Variants in LAS1L observed in about 807,000 individuals in gnomAD.
LAS1L encodes the protein LAS1 like ribosome biogenesis factor.
A neutral mutation model predicts 57.3 loss-of-function variants in LAS1L; 5 were observed. That is an observed-to-expected ratio of 0.09 (90% CI 0.05 to 0.18). The LOEUF is 0.18. Ranked by LOEUF, LAS1L falls within the 10% of genes least tolerant of loss-of-function variation. LAS1L has a pLI of 1.00. For missense variants in LAS1L, 360 were observed against 568.3 expected (o/e 0.63, Z 3.73); for synonymous variants, 245 against 231.7 (o/e 1.06, Z -0.52).
Position 65,532,665 on chromosome X carries a change from A to C in LAS1L, c.363-35T>G, listed in dbSNP as rs759540721. ...AGGGAGAAATAAGTGGCACAGCCCA[A>C]GGAACCATTTTATTCCAAACACTTT... On this transcript the variant is annotated intron_variant, in intron 2 of 13. Coordinates refer to ENST00000374811, the MANE Select transcript of LAS1L (RefSeq NM_031206.7). 6 of 1,010,491 alleles carry C rather than the reference A, an allele frequency of 5.9e-6. No individual in the cohort carries two copies. In the Admixed American group the frequency reaches 1.3e-4, roughly 22 times the overall value. The allele number at this position is 1,010,491 out of a possible 1,213,427, so 83.3% of individuals were successfully genotyped here. A position where few individuals can be genotyped will look rare whatever the true frequency, so the allele number is the denominator to read the frequency against.
At chrX:65,514,661 G>C in intron 13 of LAS1L, among the ~76,000 whole-genome samples, 162 bp downstream of exon 13, 1 of 110,324 alleles carries the variant, frequency 9.1e-6, no homozygotes, top group East Asian at 2.9e-4. Context: ...CTAGGGACAG[G>C]GAGAGCTGGC....
chrX:65,525,057 C>T lies in LAS1L; in HGVS notation c.957-7G>A. On this transcript the variant is annotated splice_region_variant and splice_polypyrimidine_tract_variant and intron_variant, in intron 7 of 13. Coordinates refer to ENST00000374811, the MANE Select transcript of LAS1L (RefSeq NM_031206.7). The stretch of plus-strand genomic sequence containing the variant: ...AGCATCCAGCACAGCCTCCCTGGAA[C>T]AAGAGGACACTAGTTTAGCAAAGTG... 8.4e-7 allele frequency: 1 copy of T among 1,192,085 alleles called. No homozygotes were observed. Among genetic ancestry groups the T allele is most frequent in the Non-Finnish European group, 1.1e-6 (1 of 879,500 alleles).
intron 7 of LAS1L, among the ~76,000 whole-genome samples, chrX:65,527,248 A>G (rs1244969762): frequency 1.0e-5 from 1 of 99,420 alleles, no homozygotes; most frequent in Non-Finnish European, 2.0e-5. Flanking sequence ...AAAAAAAAAA[A>G]GACCAGGCCG....
chrX:65,518,918 T>A, intron 11 of LAS1L: 1 of 753,394 alleles, frequency 1.3e-6, no homozygotes, highest in Middle Eastern at 7.6e-4. Context: ...TCCAAGGATA[T>A]GCCTGGAAGT....
chrX:65,524,251 A>G lies in LAS1L; in HGVS notation c.1105T>C (p.Leu369=). The change falls in exon 10 of 14, where the codon TTG becomes CTG. Residue 369 remains leucine, a synonymous_variant. Coordinates refer to ENST00000374811, the MANE Select transcript of LAS1L (RefSeq NM_031206.7). ...TDPKSHKNVD[L]NDVLVPKPFS... ...GGCTTTGGCACCAGGACGTCATTCA[A>G]GTCCACGTTTTCTGGTTTGTAAGGG... 8.3e-7 allele frequency: 1 copy of G among 1,208,254 alleles called. No individual in the cohort carries two copies. The highest frequency in any genetic ancestry group is 1.1e-6 in the Non-Finnish European group (1 of 893,273).
intron 11 of LAS1L, chrX:65,523,218 C>T: frequency 5.9e-6 from 1 of 170,717 alleles, no homozygotes; most frequent in East Asian, 1.2e-4. Context: ...ATAGAGGAAA[C>T]AGCACTGGGC....
chrX:65,513,588 A>G (rs930922498), intron 13 of LAS1L, among the ~76,000 whole-genome samples: 6 of 112,160 alleles, frequency 5.3e-5, no homozygotes, highest in Admixed American at 4.7e-4. Context: ...AATCTTACAG[A>G]CAAGTTAACT....
chrX:65,521,566 TGA>T (rs1430311685), intron 11 of LAS1L: 4 of 111,637 alleles, frequency 3.6e-5, no homozygotes, highest in Non-Finnish European at 5.6e-5. Flanking sequence ...ACTTTAGAGT[TGA>T]GATGGGGACT....
chrX:65,519,945 G>A (rs1003902703), intron 11 of LAS1L, among the ~76,000 whole-genome samples: 1 of 111,776 alleles, frequency 8.9e-6, no homozygotes, highest in African/African-American at 3.3e-5. Context: ...TGCTTGAAAA[G>A]CTTCCAGCTC....
intron 12 of LAS1L, among the ~76,000 whole-genome samples, chrX:65,515,447 G>A (rs776671652): frequency 9.2e-6 from 1 of 108,543 alleles, no homozygotes; most frequent in Non-Finnish European, 1.9e-5. Flanking sequence ...CAGAGTAGCT[G>A]AATGACCTAG....
Position 65,534,750 on chromosome X carries a change from T to G in LAS1L, c.-35A>C, listed in dbSNP as rs761244443. ...AACAACAGGCTCTGTGCCGCGCCGC[T>G]CCGCACAGCCTTCAGCTCAGCGTGC... On this transcript the variant is annotated 5_prime_UTR_variant, in exon 1 of 14. Transcript: ENST00000374811. 9.3e-7 allele frequency: 1 copy of G among 1,073,462 alleles called. No homozygotes were observed. Among genetic ancestry groups the G allele is most frequent in the South Asian group, 2.0e-5 (1 of 48,876 alleles). The allele number at this position is 1,073,462 out of a possible 1,213,427, so 88.5% of individuals were successfully genotyped here.
chrX:65,516,816 CAG>C (rs947500736), intron 12 of LAS1L, among the ~76,000 whole-genome samples: 27 of 111,115 alleles, frequency 2.4e-4, no homozygotes, highest in Non-Finnish European at 1.3e-4. Flanking sequence ...CACACACACA[CAG>C]AGAGACAGAC....
Position 65,512,730 on chromosome X carries a change from G to C in LAS1L, c.*45C>G. 3 of 1,144,903 alleles carry C rather than the reference G, an allele frequency of 2.6e-6. No homozygotes were observed. The highest frequency in any genetic ancestry group is 3.5e-6 in the Non-Finnish European group (3 of 858,426). 94.4% of individuals were successfully genotyped at this position (1,144,903 alleles called of 1,213,427 possible). A position where few individuals can be genotyped will look rare whatever the true frequency, so the allele number is the denominator to read the frequency against. Reference sequence around the variant, plus strand: ...CATCAGTTGTACTAGGGGGTGGGCTGTTGCCCTGGCACGGCTGGATGAACA... The same window carrying C: ...CATCAGTTGTACTAGGGGGTGGGCTCTTGCCCTGGCACGGCTGGATGAACA... On this transcript the variant is annotated 3_prime_UTR_variant, in exon 14 of 14. Transcript: ENST00000374811.
At chrX:65,516,790 C>T (rs1454886456) in intron 12 of LAS1L, among the ~76,000 whole-genome samples, 1 of 110,921 alleles carries the variant, frequency 9.0e-6, no homozygotes, top group Non-Finnish European at 1.9e-5. Context: ...CCAGCAGGTA[C>T]AGGAACATGC....
At chrX:65,524,466 G>C (rs1020633079) in intron 9 of LAS1L, 98 bp downstream of exon 9, 1 of 500,247 alleles carries the variant, frequency 2.0e-6, no homozygotes, top group Non-Finnish European at 3.7e-6. Context: ...AGTGGGGAGA[G>C]AGAAACCAGT....
intron 10 of LAS1L, 124 bp from the exon 11 acceptor site, chrX:65,523,831 G>T: frequency 1.2e-6 from 1 of 841,664 alleles, no homozygotes; most frequent in Non-Finnish European, 1.6e-6. Flanking sequence ...CCTCCCAACT[G>T]CTCAAAGAAT....
In LAS1L at chrX:65,534,758, G is replaced by A. The variant is rs1362680316; in HGVS notation, c.-43C>T. ...GCTCTGTGCCGCGCCGCTCCGCACAGCCTTCAGCTCAGCGTGCTACCCTCA... is the reference window on the plus strand; with the variant it reads ...GCTCTGTGCCGCGCCGCTCCGCACAACCTTCAGCTCAGCGTGCTACCCTCA... On this transcript the variant is annotated 5_prime_UTR_variant, in exon 1 of 14. Coordinates refer to ENST00000374811, the MANE Select transcript of LAS1L (RefSeq NM_031206.7). 9.5e-7 allele frequency: 1 copy of A among 1,054,081 alleles called. No homozygotes were observed. Among genetic ancestry groups the A allele is most frequent in the Non-Finnish European group, 1.3e-6 (1 of 774,788 alleles). 86.9% of individuals were successfully genotyped at this position (1,054,081 alleles called of 1,213,427 possible).
chrX:65,512,856 G>A lies in LAS1L; in HGVS notation c.2124C>T (p.Asn708=). 1 of 1,167,456 alleles carries A rather than the reference G, an allele frequency of 8.6e-7. No homozygotes were observed. Among genetic ancestry groups the A allele is most frequent in the Middle Eastern group, 2.3e-4 (1 of 4,286 alleles). ...GGCCCTCGAAGTTGCTGCTGCTGCT[G>A]TTGCTGCAGTTGCCACTGCCGACAC... The part of the protein sequence containing the change: ...SCGVGSGNCS[N]SSSSNFEGLL... The change falls in exon 14 of 14, where the codon AAC becomes AAT. Residue 708 remains asparagine, a synonymous_variant. Coordinates refer to ENST00000374811, the MANE Select transcript of LAS1L (RefSeq NM_031206.7).
Position 65,533,661 on chromosome X carries a change from C to T in LAS1L, c.311G>A (p.Gly104Asp). Residue 104 changes from glycine to aspartate, a missense_variant, in exon 2 of 14, where the codon GGT becomes GAT. Transcript: ENST00000374811. Reference protein sequence around the residue: ...LIRCKLLDVTGGLGTDELRLL... With the variant: ...LIRCKLLDVTDGLGTDELRLL... ...TCTAAGTTCATCAGTGCCCAAGCCA[C>T]CAGTTACATCCAAGAGCTTACAGCG... The T allele has an allele frequency of 8.3e-7, 1 of 1,210,729 alleles. No homozygotes were observed. Among genetic ancestry groups the T allele is most frequent in the East Asian group, 3.0e-5 (1 of 33,834 alleles).
Sources: gnomAD v4.1 joint callset for allele counts (sites outside exome capture counted in the v4.1 genomes callset) on GRCh38, gnomAD v4.1.1 for gene constraint, MANE v1.5 for transcripts, NCBI Gene and HGNC (gene_info 2026-07-23, HGNC 2026-07-21) for gene names.